Variants in LRP1B observed in about 807,000 individuals in gnomAD.
The protein encoded by LRP1B is low-density lipoprotein receptor-related protein 1B.
LRP1B carries 217 observed loss-of-function variants against 556.6 expected under a neutral mutation model. That is an observed-to-expected ratio of 0.39 (90% CI 0.35 to 0.44). The LOEUF (loss-of-function observed/expected upper bound fraction) is 0.44. LRP1B is among the 20% of genes least tolerant of loss of function. LRP1B has a pLI of 1.00. For synonymous variants in LRP1B, 2,047 were observed against 1,865.8 expected (o/e 1.10, Z -2.50); for missense variants, 5,053 against 5,620.8 (o/e 0.90, Z 3.23).
At chr2:140,789,867 C>T (rs1029701655) in intron 32 of LRP1B, among the ~76,000 whole-genome samples, 76 of 151,562 alleles carry the variant, frequency 5.0e-4, no homozygotes, top group African/African-American at 1.7e-3. Flanking sequence ...CCTGACCTCG[C>T]GATCCGCCCG....
chr2:141,052,242 A>C (rs2105450940), intron 10 of LRP1B, among the ~76,000 whole-genome samples: 1 of 152,084 alleles, frequency 6.6e-6, no homozygotes, highest in East Asian at 1.9e-4. Context: ...CTTTTAAAAT[A>C]ATACTTTATA....
At chr2:142,029,829 CT>C (rs1003638443) in intron 1 of LRP1B, among the ~76,000 whole-genome samples, 1 of 151,806 alleles carries the variant, frequency 6.6e-6, no homozygotes, top group African/African-American at 2.4e-5. Flanking sequence ...TCTTTCTTCA[CT>C]TTTTTTTCTC....
intron 43 of LRP1B, among the ~76,000 whole-genome samples, chr2:140,564,579 A>T (rs1681057039): frequency 6.6e-6 from 1 of 152,140 alleles, no homozygotes; most frequent in Non-Finnish European, 1.5e-5. Flanking sequence ...TGTCATTGAA[A>T]GCTATTTGGC....
At chr2:140,874,915 A>G (rs904664884) in intron 25 of LRP1B, among the ~76,000 whole-genome samples, 6 of 151,898 alleles carry the variant, frequency 4.0e-5, no homozygotes, top group Non-Finnish European at 8.8e-5. Context: ...GCTACTCAGG[A>G]GGCTGAGGCG....
intron 51 of LRP1B, 34 bp downstream of exon 51, chr2:140,514,619 A>C: frequency 6.3e-7 from 1 of 1,585,314 alleles, no homozygotes; most frequent in South Asian, 1.2e-5. Flanking sequence ...ATAATGCTTA[A>C]AAACTGATTG....
chr2:142,005,779 A>G (rs1051220163), intron 1 of LRP1B, among the ~76,000 whole-genome samples: 5 of 151,930 alleles, frequency 3.3e-5, no homozygotes, highest in Admixed American at 2.0e-4. Context: ...CACCTTTCTC[A>G]GGCTAGTTTT....
chr2:141,162,009 G>A (rs1004549342), intron 7 of LRP1B, among the ~76,000 whole-genome samples: 6 of 151,980 alleles, frequency 3.9e-5, no homozygotes, highest in Non-Finnish European at 7.4e-5. Context: ...GATGAAAGGG[G>A]TGTGAAGATT....
At chr2:140,507,820 A>G (rs1405433761) in intron 52 of LRP1B, among the ~76,000 whole-genome samples, 1 of 152,122 alleles carries the variant, frequency 6.6e-6, no homozygotes, top group African/African-American at 2.4e-5. Context: ...AAAGAGAAAG[A>G]CTTTGCAGAA....
chr2:140,817,061 A>G (rs1039289721), intron 31 of LRP1B, among the ~76,000 whole-genome samples: 3 of 152,034 alleles, frequency 2.0e-5, no homozygotes, highest in African/African-American at 7.3e-5. Context: ...ATCAATACCC[A>G]TGAGAAAACA....
At chr2:140,669,092 G>T (rs1259503322) in intron 41 of LRP1B, among the ~76,000 whole-genome samples, 1 of 152,154 alleles carries the variant, frequency 6.6e-6, no homozygotes, top group Non-Finnish European at 1.5e-5. Context: ...TGAGAGAAGA[G>T]AACTGGGTAT....
intron 2 of LRP1B, among the ~76,000 whole-genome samples, chr2:141,702,495 A>G (rs1427443396): frequency 6.6e-6 from 1 of 151,836 alleles, no homozygotes; most frequent in African/African-American, 2.4e-5. Context: ...CACTCTGTAA[A>G]TCCAACAAAT....
At position 140,564,800 on chromosome 2, in the gene LRP1B, C is replaced by A. The variant is rs138894338; in HGVS notation, c.7195-22829G>T. ...AAGAAAGCAAGGCACCAAATAGACT[C>A]TGAGAAGCTCTTTGTTATAAAAGTA... is the stretch of plus-strand genomic sequence containing the variant. On this transcript the variant is annotated intron_variant, in intron 43 of 90. Transcript: ENST00000389484. 3.7e-3 allele frequency among the ~76,000 whole-genome samples: 556 copies of A among 152,176 alleles called. 3 individuals are homozygous for A. Among genetic ancestry groups the A allele is most frequent in the African/African-American group, 0.013 (525 of 41,554 alleles).
intron 2 of LRP1B, among the ~76,000 whole-genome samples, chr2:141,635,559 G>T (rs944389048): frequency 6.6e-6 from 1 of 152,084 alleles, no homozygotes; most frequent in African/African-American, 2.4e-5. Flanking sequence ...ATATGTATGT[G>T]GAAGAGATTT....
chr2:141,047,686 C>T (rs1442188185), intron 11 of LRP1B, among the ~76,000 whole-genome samples: 5 of 152,078 alleles, frequency 3.3e-5, no homozygotes, highest in Admixed American at 3.3e-4. Context: ...TATTTTAGCG[C>T]ATTTTAGTGC....
intron 66 of LRP1B, among the ~76,000 whole-genome samples, chr2:140,427,618 G>C (rs926014280): frequency 3.9e-5 from 6 of 152,026 alleles, no homozygotes; most frequent in Non-Finnish European, 7.4e-5. Flanking sequence ...ATGGGCAAAC[G>C]GTCTGAGGTG....
At chr2:141,532,143 A>G (rs529912419) in intron 2 of LRP1B, among the ~76,000 whole-genome samples, 1 of 152,212 alleles carries the variant, frequency 6.6e-6, no homozygotes, top group Non-Finnish European at 1.5e-5. Flanking sequence ...TATTGTTGGC[A>G]TCTGAACATC....
At chr2:140,982,438 AGCTT>A (rs1696800438) in intron 17 of LRP1B, among the ~76,000 whole-genome samples, 162 bp from the exon 18 acceptor site, 1 of 152,206 alleles carries the variant, frequency 6.6e-6, no homozygotes, top group South Asian at 2.1e-4. Flanking sequence ...TCTGAATACC[AGCTT>A]GCTTGTCTTC....
At chr2:141,810,491 C>T (rs2105708288) in intron 1 of LRP1B, 90 bp from the exon 2 acceptor site, 1 of 1,322,204 alleles carries the variant, frequency 7.6e-7, no homozygotes, top group African/African-American at 1.5e-5. Context: ...AAAAGCAATA[C>T]ATAAAAGGTA....
chr2:141,838,617 G>T (rs879018826), intron 1 of LRP1B, among the ~76,000 whole-genome samples: 2 of 152,016 alleles, frequency 1.3e-5, no homozygotes, highest in Admixed American at 1.3e-4. Context: ...TCTGTATTTT[G>T]GTTGAATGCT....
Sources: gnomAD v4.1 joint callset for allele counts (sites outside exome capture counted in the v4.1 genomes callset) on GRCh38, gnomAD v4.1.1 for gene constraint, MANE v1.5 for transcripts, NCBI Gene and HGNC (gene_info 2026-07-23, HGNC 2026-07-21) for gene names.